The following MYO5B variants were observed in gnomAD, a reference collection of about 807,000 sequenced individuals.
MYO5B encodes the protein myosin VB.
A neutral mutation model predicts 229.3 loss-of-function variants in MYO5B; 143 were observed. The observed-to-expected ratio is 0.62, with a 90% CI of 0.54 to 0.72. The LOEUF (loss-of-function observed/expected upper bound fraction) is 0.72, where lower values mean the gene tolerates loss of function less well. Among genes scored for constraint, MYO5B ranks in the 30% least tolerant of loss-of-function variants. The pLI is 0.00. For synonymous variants in MYO5B, 918 were observed against 885.2 expected (o/e 1.04, Z -0.66); for missense variants, 2,321 against 2,331.0 (o/e 1.00, Z 0.09).
At chr18:49,956,634 T>C (rs1015391830) in intron 12 of MYO5B, among the ~76,000 whole-genome samples, 3 of 151,728 alleles carry the variant, frequency 2.0e-5, no homozygotes, top group Admixed American at 6.6e-5. Context: ...AGCTCCATAA[T>C]ATGCAGCTGA....
At chr18:49,931,245 C>T (rs1033238109) in intron 16 of MYO5B, among the ~76,000 whole-genome samples, 3 of 152,124 alleles carry the variant, frequency 2.0e-5, no homozygotes, top group Admixed American at 2.0e-4. Flanking sequence ...TGCAAGATGC[C>T]ACCTCAACCC....
At chr18:49,884,893 A>T (rs1238257104) in intron 22 of MYO5B, among the ~76,000 whole-genome samples, 1 of 152,236 alleles carries the variant, frequency 6.6e-6, no homozygotes, top group East Asian at 1.9e-4. Context: ...AAAGACACTC[A>T]GTATCTTATT....
Position 49,904,725 on chromosome 18 carries a change from C to T in MYO5B, c.2518G>A (p.Val840Ile), listed in dbSNP as rs530922514. ...QAYQRVRRAA[V>I]VIQAFTRAMF... The stretch of plus-strand genomic sequence containing the variant: ...GCCCGGGTGAAGGCCTGGATAACAA[C>T]GGCAGCTCTGCGGACCCTCTGGTAG... Residue 840 changes from valine to isoleucine, a missense_variant, in exon 20 of 40, where the codon GTT becomes ATT. Physicochemically the swap from Val to Ile is conservative, Grantham distance 29. Coordinates refer to ENST00000285039, the MANE Select transcript of MYO5B (RefSeq NM_001080467.3). 1.5e-5 allele frequency: 24 copies of T among 1,614,062 alleles called. No homozygotes were observed. Among genetic ancestry groups the T allele is most frequent in the South Asian group, 8.8e-5 (8 of 91,082 alleles).
chr18:50,101,854 T>C (rs1188292801), intron 1 of MYO5B, among the ~76,000 whole-genome samples: 1 of 152,138 alleles, frequency 6.6e-6, no homozygotes, highest in Non-Finnish European at 1.5e-5. Context: ...GAACCAGAAA[T>C]ACCATTTCAC....
intron 5 of MYO5B, among the ~76,000 whole-genome samples, chr18:49,995,658 G>T (rs1331766903): frequency 6.6e-6 from 1 of 152,168 alleles, no homozygotes; most frequent in Admixed American, 6.5e-5. Flanking sequence ...AGTGTAAACT[G>T]TATCTCAGGG....
intron 22 of MYO5B, among the ~76,000 whole-genome samples, chr18:49,887,533 T>G (rs938802215): frequency 9.2e-5 from 14 of 152,114 alleles, no homozygotes; most frequent in Non-Finnish European, 1.8e-4. Flanking sequence ...ACTATCGCCA[T>G]GTGATGCCTG....
chr18:49,837,460 G>T, intron 37 of MYO5B, 57 bp downstream of exon 37: 1 of 1,589,154 alleles, frequency 6.3e-7, no homozygotes, highest in Non-Finnish European at 8.6e-7. Context: ...TCTGATTCTA[G>T]CTGCAGTCAG....
At position 49,837,001 on chromosome 18, in the gene MYO5B, C is replaced by T. The variant is rs572651777; in HGVS notation, c.5139-116G>A. On this transcript the variant is annotated intron_variant, in intron 37 of 39. Transcript: ENST00000285039. The stretch of plus-strand genomic sequence containing the variant: ...AGCTAGTGCCATTATTTATCTCACA[C>T]GGTTAAAAAGCATGGCAAGTGCCTT... 644 of 1,029,190 alleles carry T rather than the reference C, an allele frequency of 6.3e-4. 1 individual carries two copies. In the African/African-American group the frequency reaches 8.4e-3, roughly 13 times the overall value. The allele number at this position is 1,029,190 out of a possible 1,614,324, so 63.8% of individuals were successfully genotyped here.
chr18:50,101,960 T>C (rs2031662721), intron 1 of MYO5B, among the ~76,000 whole-genome samples: 1 of 152,176 alleles, frequency 6.6e-6, no homozygotes, highest in South Asian at 2.1e-4. Flanking sequence ...CTATTTACAA[T>C]AGCAAAGACA....
intron 1 of MYO5B, among the ~76,000 whole-genome samples, chr18:50,100,814 T>C (rs2031639948): frequency 6.6e-6 from 1 of 152,190 alleles, no homozygotes; most frequent in South Asian, 2.1e-4. Context: ...AATCAGAGCA[T>C]GGCAAGACCC....
rs556011208 is a variant in MYO5B at position 49,962,849 on chromosome 18, C to T, written c.1404+100G>A. On this transcript the variant is annotated intron_variant, in intron 11 of 39. Coordinates refer to ENST00000285039, the MANE Select transcript of MYO5B (RefSeq NM_001080467.3). The stretch of plus-strand genomic sequence containing the variant: ...AAAACCAAGGGATATCAGAACGTAG[C>T]CAGGGCCCACCCACCTCAGAGGAAG... The T allele has an allele frequency of 2.1e-5, 22 of 1,031,286 alleles. No homozygotes were observed. The South Asian group carries it at 2.3e-4, about 11-fold the overall frequency. The allele number at this position is 1,031,286 out of a possible 1,614,324, so 63.9% of individuals were successfully genotyped here. A position where few individuals can be genotyped will look rare whatever the true frequency, so the allele number is the denominator to read the frequency against.
intron 14 of MYO5B, among the ~76,000 whole-genome samples, chr18:49,939,148 C>CTT (rs11313115): frequency 0.089 from 10,550 of 118,938 alleles, 560 homozygotes; most frequent in Middle Eastern, 0.15. Flanking sequence ...TCTTTTTTTT[C>CTT]TTTTTTTTTT....
At chr18:50,048,820 C>T (rs1262058100) in intron 2 of MYO5B, among the ~76,000 whole-genome samples, 2 of 151,988 alleles carry the variant, frequency 1.3e-5, no homozygotes, top group South Asian at 2.1e-4. Context: ...CTCAGGAGTT[C>T]GAGATCAGCC....
chr18:49,973,043 T>G (rs2025707616), intron 10 of MYO5B, among the ~76,000 whole-genome samples: 1 of 152,096 alleles, frequency 6.6e-6, no homozygotes, highest in South Asian at 2.1e-4. Context: ...AGCTCCCACA[T>G]AAAGCTTGCC....
chr18:49,913,263 C>A (rs8097502), intron 17 of MYO5B, among the ~76,000 whole-genome samples: 1 of 152,148 alleles, frequency 6.6e-6, no homozygotes, highest in Admixed American at 6.5e-5. Context: ...GCAGTCTTTC[C>A]AATGAGCAAA....
intron 1 of MYO5B, among the ~76,000 whole-genome samples, chr18:50,128,910 G>A (rs1351048581): frequency 4.6e-5 from 7 of 152,194 alleles, no homozygotes; most frequent in Non-Finnish European, 1.0e-4. Flanking sequence ...CCCAATCAGC[G>A]GCTGCCGGCT....
intron 4 of MYO5B, among the ~76,000 whole-genome samples, chr18:50,018,311 TAC>T (rs1277091773): frequency 2.7e-5 from 4 of 149,348 alleles, no homozygotes; most frequent in Admixed American, 1.3e-4. Context: ...TGCTTGATGA[TAC>T]AGTCTAACTT....
chr18:50,022,034 A>G (rs2026280763), intron 4 of MYO5B, among the ~76,000 whole-genome samples: 1 of 152,192 alleles, frequency 6.6e-6, no homozygotes, highest in African/African-American at 2.4e-5. Flanking sequence ...ATTCTTAGAC[A>G]TAACAGGTTC....
At chr18:49,886,646 CATTTATTGCCTATAAT>C (rs2024645348) in intron 22 of MYO5B, among the ~76,000 whole-genome samples, 2 of 141,626 alleles carry the variant, frequency 1.4e-5, no homozygotes, top group East Asian at 4.3e-4. Context: ...TGCCAAATAA[CATTTATTGCCTATAAT>C]ATTTATTGCC....
Sources: allele counts gnomAD v4.1 joint callset (sites outside exome capture counted in the v4.1 genomes callset), GRCh38; gene constraint gnomAD v4.1.1; transcripts MANE v1.5; gene names NCBI Gene and HGNC (gene_info 2026-07-23, HGNC 2026-07-21).